The following TBC1D9 variants were observed in gnomAD, a reference collection of about 807,000 sequenced individuals.
TBC1D9 encodes TBC1 domain family member 9A.
TBC1D9 carries 63 observed loss-of-function variants against 132.0 expected under a neutral mutation model. That is an observed-to-expected ratio of 0.48 (90% CI 0.39 to 0.59). The LOEUF (loss-of-function observed/expected upper bound fraction) is 0.59, where lower values mean the gene tolerates loss of function less well. Ranked by LOEUF, TBC1D9 falls within the 20% of genes least tolerant of loss-of-function variation. The probability of loss-of-function intolerance (pLI) is 0.00; values close to 1 mark genes in which losing one functional copy is unlikely to be tolerated. For synonymous variants in TBC1D9, 610 were observed against 609.9 expected, an observed-to-expected ratio of 1.00 and a Z score of 0.00; for missense variants, 1,261 against 1,592.7, an observed-to-expected ratio of 0.79 and a Z score of 3.54.
chr4:140,631,249 G>T (rs1736790712), intron 16 of TBC1D9, among the ~76,000 whole-genome samples: 1 of 152,222 alleles, frequency 6.6e-6, no homozygotes, highest in Non-Finnish European at 1.5e-5. Context: ...TTGAGATGGA[G>T]TCTTGCTCTG....
chr4:140,654,672 T>C (rs1257557698), intron 13 of TBC1D9, among the ~76,000 whole-genome samples: 1 of 152,202 alleles, frequency 6.6e-6, no homozygotes, highest in African/African-American at 2.4e-5. Flanking sequence ...GGGCGATGAC[T>C]TTTTTAAATG....
At chr4:140,657,453 A>G in intron 12 of TBC1D9, 74 bp downstream of exon 12, 1 of 1,488,848 alleles carries the variant, frequency 6.7e-7, no homozygotes, top group Non-Finnish European at 9.1e-7. Flanking sequence ...AAATCAGTTA[A>G]GACTCATGAA....
At chr4:140,671,155 C>A (rs1737529995) in intron 6 of TBC1D9, among the ~76,000 whole-genome samples, 1 of 152,096 alleles carries the variant, frequency 6.6e-6, no homozygotes, top group Non-Finnish European at 1.5e-5. Flanking sequence ...CTGGTTTTTC[C>A]AAATCAGTGG....
At chr4:140,638,982 T>C in intron 15 of TBC1D9, 104 bp downstream of exon 15, 2 of 793,206 alleles carry the variant, frequency 2.5e-6, no homozygotes, top group South Asian at 3.8e-5. Context: ...TAGCTTCCTA[T>C]TTATATTATC....
chr4:140,647,908 TCCC>T (rs2110987012), intron 13 of TBC1D9, among the ~76,000 whole-genome samples: 1 of 151,522 alleles, frequency 6.6e-6, no homozygotes, highest in Non-Finnish European at 1.5e-5. Context: ...GGTCTCTCCC[TCCC>T]CCGACTTTGG....
rs1472541070 is a variant in TBC1D9 at position 140,657,438 on chromosome 4, C to T, written c.2207+89G>A. The T allele has an allele frequency of 4.2e-6, 6 of 1,425,306 alleles. No individual in the cohort carries two copies. The Admixed American group carries it at 6.6e-5, about 16-fold the overall frequency. The allele number at this position is 1,425,306 out of a possible 1,614,324, so 88.3% of individuals were successfully genotyped here. A position where few individuals can be genotyped will look rare whatever the true frequency, so the allele number is the denominator to read the frequency against. The stretch of plus-strand genomic sequence containing the variant: ...CAGGAAGAAGCGGGCATTATGATCA[C>T]CATCAAATCAGTTAAGACTCATGAA... On this transcript the variant is annotated intron_variant, in intron 12 of 20. Coordinates refer to ENST00000442267, the MANE Select transcript of TBC1D9 (RefSeq NM_015130.3).
At chr4:140,724,962 C>A (rs991666080) in intron 1 of TBC1D9, among the ~76,000 whole-genome samples, 1 of 152,112 alleles carries the variant, frequency 6.6e-6, no homozygotes, top group Non-Finnish European at 1.5e-5. Context: ...GGTTTGTGAG[C>A]GTGCAACTTG....
chr4:140,695,947 C>T (rs1475818317), intron 2 of TBC1D9, among the ~76,000 whole-genome samples: 1 of 152,152 alleles, frequency 6.6e-6, no homozygotes, highest in Admixed American at 6.5e-5. Context: ...ATTTACTGTA[C>T]AAACTATTAA....
At position 140,621,114 on chromosome 4, in the gene TBC1D9, T is replaced by C. The variant is rs892868896; in HGVS notation, c.*1081A>G. 2 of 152,628 alleles carry C rather than the reference T, an allele frequency of 1.3e-5. No homozygotes were observed. Among genetic ancestry groups the C allele is most frequent in the Non-Finnish European group, 2.9e-5 (2 of 68,026 alleles). 9.5% of individuals were successfully genotyped at this position (152,628 alleles called of 1,614,324 possible). A position where few individuals can be genotyped will look rare whatever the true frequency, so the allele number is the denominator to read the frequency against. ...TTCATTTCCACATCCATTCAGGAAA[T>C]AGAGCATACTATTCTTTTATATAAA... On this transcript the variant is annotated 3_prime_UTR_variant, in exon 21 of 21. Coordinates refer to ENST00000442267, the MANE Select transcript of TBC1D9 (RefSeq NM_015130.3).
At chr4:140,698,828 G>A (rs1738019019) in intron 2 of TBC1D9, among the ~76,000 whole-genome samples, 1 of 152,180 alleles carries the variant, frequency 6.6e-6, no homozygotes, top group South Asian at 2.1e-4. Flanking sequence ...AATGGAGCTT[G>A]CCAGCAGCCT....
intron 9 of TBC1D9, among the ~76,000 whole-genome samples, chr4:140,665,716 A>C (rs1737432351): frequency 6.6e-6 from 1 of 152,072 alleles, no homozygotes; most frequent in Non-Finnish European, 1.5e-5. Context: ...TTGCTGAGTC[A>C]CCCAAGCTGA....
intron 9 of TBC1D9, among the ~76,000 whole-genome samples, chr4:140,662,891 T>A (rs899487013): frequency 1.2e-4 from 18 of 152,228 alleles, no homozygotes; most frequent in Non-Finnish European, 1.2e-4. Flanking sequence ...TTTTATACCA[T>A]GTACCAAAAT....
intron 1 of TBC1D9, among the ~76,000 whole-genome samples, chr4:140,726,270 C>T (rs144032249): frequency 1.8e-4 from 27 of 151,464 alleles, no homozygotes; most frequent in Non-Finnish European, 2.7e-4. Context: ...CCCTGGGCGA[C>T]GGAATGAGAC....
At chr4:140,750,478 A>T (rs1258277565) in intron 1 of TBC1D9, among the ~76,000 whole-genome samples, 1 of 152,130 alleles carries the variant, frequency 6.6e-6, no homozygotes, top group Non-Finnish European at 1.5e-5. Flanking sequence ...TAAAACAGCA[A>T]TATTTCTACA....
chr4:140,644,236 T>C (rs1288488002), intron 13 of TBC1D9: 1 of 318,216 alleles, frequency 3.1e-6, no homozygotes, highest in South Asian at 3.4e-5. Flanking sequence ...GGGGCTTCCT[T>C]ATCCAACTCC....
chr4:140,722,307 T>C (rs920647386), intron 1 of TBC1D9, among the ~76,000 whole-genome samples: 1 of 152,180 alleles, frequency 6.6e-6, no homozygotes, highest in Non-Finnish European at 1.5e-5. Flanking sequence ...AGCAGCAATG[T>C]AAACTGCAAC....
chr4:140,651,288 C>T (rs987236215), intron 13 of TBC1D9, among the ~76,000 whole-genome samples: 2 of 152,112 alleles, frequency 1.3e-5, no homozygotes, highest in South Asian at 2.1e-4. Context: ...CATGGTGAAA[C>T]CCCGTCTCCA....
Position 140,701,633 on chromosome 4 carries a change from G to C in TBC1D9, c.131-19C>G, listed in dbSNP as rs762630656. 1.3e-6 allele frequency: 2 copies of C among 1,596,186 alleles called. No homozygotes were observed. Among genetic ancestry groups the C allele is most frequent in the African/African-American group, 2.7e-5 (2 of 74,570 alleles). ...AGCAGGCCTGAGGGTGGAAAGTGGGGAGAAACAGGTAAGAATTGCCTTAGT... is the reference window on the plus strand; with the variant it reads ...AGCAGGCCTGAGGGTGGAAAGTGGGCAGAAACAGGTAAGAATTGCCTTAGT... On this transcript the variant is annotated intron_variant, in intron 1 of 20. Coordinates refer to ENST00000442267, the MANE Select transcript of TBC1D9 (RefSeq NM_015130.3).
At chr4:140,639,013 C>G in intron 15 of TBC1D9, 73 bp downstream of exon 15, 2 of 1,114,006 alleles carry the variant, frequency 1.8e-6, no homozygotes, top group Non-Finnish European at 2.6e-6. Context: ...ACAGAAAAAT[C>G]AAGAACTAAC....
Sources: allele counts gnomAD v4.1 joint callset (sites outside exome capture counted in the v4.1 genomes callset), GRCh38; gene constraint gnomAD v4.1.1; transcripts MANE v1.5; gene names NCBI Gene and HGNC (gene_info 2026-07-23, HGNC 2026-07-21).